NEMP2: variants seen among roughly 807,000 people sequenced by gnomAD.
The protein encoded by NEMP2 is UPF0571 transmembrane protein.
NEMP2 carries 53 observed loss-of-function variants against 54.2 expected under a neutral mutation model. That is an observed-to-expected ratio of 0.98 (90% CI 0.78 to 1.23). NEMP2 has a LOEUF of 1.23. NEMP2 is among the 50% of genes most tolerant of loss of function. NEMP2 has a pLI of 0.00. For synonymous variants in NEMP2, 197 were observed against 190.3 expected (o/e 1.04, Z -0.29); for missense variants, 455 against 511.3 (o/e 0.89, Z 1.06).
At chr2:190,482,903 T>TTTTCTG in the NEMP2 span, among the ~76,000 whole-genome samples, 1 of 86,228 alleles carries the variant, frequency 1.2e-5, no homozygotes, top group Non-Finnish European at 2.2e-5. Context: ...TTTTTTTTTT[T>TTTTCTG]AGACGGAGTC....
chr2:190,475,419 T>C, the NEMP2 span, among the ~76,000 whole-genome samples: 1 of 152,108 alleles, frequency 6.6e-6, no homozygotes, highest in East Asian at 1.9e-4. Flanking sequence ...TATATACCAG[T>C]AACAGCCAAA....
At chr2:190,478,263 A>G in the NEMP2 span, among the ~76,000 whole-genome samples, 1 of 152,166 alleles carries the variant, frequency 6.6e-6, no homozygotes, top group Non-Finnish European at 1.5e-5. Context: ...CTGTAAATAC[A>G]GCCTCCTAGT....
At chr2:190,499,884 T>C (rs2125281189), downstream of NEMP2, 3 of 1,558,954 alleles carry the variant, frequency 1.9e-6, no homozygotes, top group Non-Finnish European at 1.7e-6. The surrounding 1 kb of genome is among the most constrained non-coding windows in gnomAD (Gnocchi z 6.0). Context: ...TATTCCTCTA[T>C]TACTTGGTCC....
At chr2:190,629,152 A>G in the NEMP2 span, among the ~76,000 whole-genome samples, 1 of 152,196 alleles carries the variant, frequency 6.6e-6, no homozygotes, top group African/African-American at 2.4e-5. Context: ...TGCAGCTGCT[A>G]TATGCTCTGC....
chr2:190,491,357 A>C, the NEMP2 span, among the ~76,000 whole-genome samples: 1 of 152,188 alleles, frequency 6.6e-6, no homozygotes, highest in Non-Finnish European at 1.5e-5. The surrounding 1 kb of genome is among the most constrained non-coding windows in gnomAD (Gnocchi z 4.2). Context: ...GCAGGAATAT[A>C]CCAGGAAAGC....
Position 190,533,488 on chromosome 2 carries a change from C to CA in NEMP2, c.97+1070dup, listed in dbSNP as rs949041168. ...CACTGCCTAGCACATACTGAACACTCAAAAAATTTCTCTTCAATGAAAACT... is the reference window on the plus strand; with the variant it reads ...CACTGCCTAGCACATACTGAACACTCAAAAAAATTTCTCTTCAATGAAAACT... On this transcript the variant is annotated intron_variant, in intron 1 of 8. Transcript: ENST00000409150. This position sits in a 1 kb window ranked among gnomAD's most constrained non-coding sequence, Gnocchi z 4.3. Among the ~76,000 whole-genome samples, 8 of 152,146 alleles carry CA rather than the reference C, an allele frequency of 5.3e-5. No homozygotes were observed. Among genetic ancestry groups the CA allele is most frequent in the Non-Finnish European group, 1.2e-4 (8 of 68,022 alleles).
At chr2:190,446,029 G>A in the NEMP2 span, among the ~76,000 whole-genome samples, 3 of 151,942 alleles carry the variant, frequency 2.0e-5, no homozygotes, top group Admixed American at 6.6e-5. Context: ...TCAATCAAAG[G>A]GCATGAATTT....
the NEMP2 span, among the ~76,000 whole-genome samples, chr2:190,643,758 T>A: frequency 2.0e-5 from 3 of 152,076 alleles, no homozygotes; most frequent in African/African-American, 7.2e-5. Flanking sequence ...GAAATCCTGT[T>A]TCTATAAAAA....
the NEMP2 span, among the ~76,000 whole-genome samples, chr2:190,646,070 G>A: frequency 5.3e-5 from 8 of 152,184 alleles, no homozygotes; most frequent in Non-Finnish European, 8.8e-5. Context: ...CAATATACAG[G>A]TATTTATAAT....
chr2:190,585,324 C>G, the NEMP2 span, among the ~76,000 whole-genome samples: 1 of 152,190 alleles, frequency 6.6e-6, no homozygotes, highest in African/African-American at 2.4e-5. The surrounding 1 kb of genome is among the most constrained non-coding windows in gnomAD (Gnocchi z 5.3). Context: ...AAACTACTTA[C>G]ATAGAATTTC....
chr2:190,441,246 G>C, the NEMP2 span, among the ~76,000 whole-genome samples: 1 of 151,996 alleles, frequency 6.6e-6, no homozygotes, highest in Non-Finnish European at 1.5e-5. Flanking sequence ...GTCTGTTCTC[G>C]TGTCTTCTAC....
chr2:190,578,694 T>A, the NEMP2 span, among the ~76,000 whole-genome samples: 1 of 151,680 alleles, frequency 6.6e-6, no homozygotes, highest in Non-Finnish European at 1.5e-5. The surrounding 1 kb of genome is among the most constrained non-coding windows in gnomAD (Gnocchi z 4.4). Flanking sequence ...CATGTGTGTG[T>A]GCAGAATGTG....
the NEMP2 span, among the ~76,000 whole-genome samples, chr2:190,545,092 C>T: frequency 2.2e-4 from 34 of 151,656 alleles, no homozygotes; most frequent in African/African-American, 8.2e-4. Context: ...CAAATCAAGA[C>T]CCTGTCTCAA....
the NEMP2 span, among the ~76,000 whole-genome samples, chr2:190,447,969 C>A: frequency 1.3e-5 from 2 of 152,130 alleles, no homozygotes; most frequent in African/African-American, 4.8e-5. This position sits in a 1 kb window ranked among gnomAD's most constrained non-coding sequence, Gnocchi z 4.5. Context: ...AAGAAAAGGC[C>A]ATTGTTGCAA....
chr2:190,563,156 T>C, the NEMP2 span, among the ~76,000 whole-genome samples: 1 of 152,244 alleles, frequency 6.6e-6, no homozygotes, highest in Non-Finnish European at 1.5e-5. The surrounding 1 kb of genome is among the most constrained non-coding windows in gnomAD (Gnocchi z 4.3). Context: ...GAATGTTTCC[T>C]TGAGACATTC....
Position 190,523,799 on chromosome 2 carries a change from T to C in NEMP2, c.213+1464A>G, listed in dbSNP as rs1275845507. 6.6e-6 allele frequency among the ~76,000 whole-genome samples: 1 copy of C among 152,122 alleles called. No individual in the cohort carries two copies. Among genetic ancestry groups the C allele is most frequent in the Non-Finnish European group, 1.5e-5 (1 of 68,020 alleles). Reference sequence around the variant, plus strand: ...GTATCAAAATAAATAATGAGAGTAATGGATTGTAGTTTCCTGAAATAACTG... The same window carrying C: ...GTATCAAAATAAATAATGAGAGTAACGGATTGTAGTTTCCTGAAATAACTG... On this transcript the variant is annotated intron_variant, in intron 2 of 8. Transcript: ENST00000409150. The surrounding 1 kb of genome is among the most constrained non-coding windows in gnomAD (Gnocchi z 5.3).
the NEMP2 span, among the ~76,000 whole-genome samples, chr2:190,457,241 T>C: frequency 6.6e-6 from 1 of 152,206 alleles, no homozygotes; most frequent in Non-Finnish European, 1.5e-5. The surrounding 1 kb of genome is among the most constrained non-coding windows in gnomAD (Gnocchi z 5.1). Context: ...CCAACCGACT[T>C]TGTGGCCCCG....
the NEMP2 span, among the ~76,000 whole-genome samples, chr2:190,576,984 C>T: frequency 2.6e-5 from 4 of 152,282 alleles, no homozygotes; most frequent in African/African-American, 9.6e-5. Flanking sequence ...TGTTTATTCA[C>T]CAGGTACAAT....
downstream of NEMP2, chr2:190,499,718 A>C (rs963233219): frequency 3.5e-6 from 4 of 1,152,730 alleles, no homozygotes; most frequent in Middle Eastern, 2.2e-4. This position sits in a 1 kb window ranked among gnomAD's most constrained non-coding sequence, Gnocchi z 6.0. Flanking sequence ...CTCAGTAAAT[A>C]TTTGCTGATG....
Sources: gnomAD v4.1 joint callset for allele counts (sites outside exome capture counted in the v4.1 genomes callset) on GRCh38, gnomAD v4.1.1 for gene constraint, Gnocchi (gnomAD v3.1) non-coding constraint, MANE v1.5 for transcripts, NCBI Gene and HGNC (gene_info 2026-07-23, HGNC 2026-07-21) for gene names.